The following STK32B variants were observed in gnomAD, a reference collection of about 807,000 sequenced individuals.
The protein encoded by STK32B is serine/threonine-protein kinase 32B.
STK32B carries 43 observed loss-of-function variants against 52.6 expected under a neutral mutation model. The observed-to-expected ratio is 0.82, with a 90% CI of 0.64 to 1.05. The LOEUF is 1.05. Ranked by LOEUF, STK32B falls within the 50% of genes least tolerant of loss-of-function variation. The pLI is 0.00. For missense variants in STK32B, 621 were observed against 534.6 expected (o/e 1.16, Z -1.59); for synonymous variants, 238 against 204.3 (o/e 1.17, Z -1.41).
intron 1 of STK32B, among the ~76,000 whole-genome samples, chr4:5,132,898 A>T (rs1401544604): frequency 2.6e-5 from 4 of 151,862 alleles, no homozygotes; most frequent in Non-Finnish European, 5.9e-5. Flanking sequence ...TTCTGGGTTC[A>T]GGTGATTCTT....
At position 5,488,327 on chromosome 4, in the gene STK32B, T is replaced by G. The variant is rs150992230; in HGVS notation, c.1107-10618T>G. Among the ~76,000 whole-genome samples, 609 of 152,276 alleles carry G rather than the reference T, an allele frequency of 4.0e-3. 7 individuals carry two copies. Among genetic ancestry groups the G allele is most frequent in the African/African-American group, 0.014 (595 of 41,570 alleles). ...AGAAAACAAAATCAATGTAAGATTTTATGGTGTAATGGTGAGCACTCTGGA... is the reference window on the plus strand; with the variant it reads ...AGAAAACAAAATCAATGTAAGATTTGATGGTGTAATGGTGAGCACTCTGGA... On this transcript the variant is annotated intron_variant, in intron 11 of 11. Transcript: ENST00000282908.
At chr4:5,450,571 G>C (rs1029433821) in intron 7 of STK32B, among the ~76,000 whole-genome samples, 7 of 152,178 alleles carry the variant, frequency 4.6e-5, no homozygotes, top group African/African-American at 1.7e-4. Flanking sequence ...ATAACCTTTA[G>C]AGGAATCTCA....
chr4:5,439,480 T>C (rs1714487655), intron 6 of STK32B, among the ~76,000 whole-genome samples: 1 of 151,828 alleles, frequency 6.6e-6, no homozygotes, highest in Non-Finnish European at 1.5e-5. Flanking sequence ...TTTGTTTGAG[T>C]TCATTGTAGA....
At chr4:5,315,967 A>G (rs1378996789) in intron 3 of STK32B, among the ~76,000 whole-genome samples, 2 of 150,158 alleles carry the variant, frequency 1.3e-5, no homozygotes, top group African/African-American at 2.4e-5. Flanking sequence ...GGCCTCCCAA[A>G]TTGCTGGGAG....
intron 11 of STK32B, among the ~76,000 whole-genome samples, chr4:5,483,251 G>T (rs1326073899): frequency 6.6e-6 from 1 of 151,510 alleles, no homozygotes; most frequent in Admixed American, 6.6e-5. Flanking sequence ...ATTGATTATT[G>T]CCTCAATTTC....
At chr4:5,297,048 G>A (rs1216057092) in intron 3 of STK32B, among the ~76,000 whole-genome samples, 1 of 152,104 alleles carries the variant, frequency 6.6e-6, no homozygotes, top group Non-Finnish European at 1.5e-5. Context: ...GCTTAGTTTG[G>A]CTGGATATGA....
At chr4:5,376,332 G>T (rs1236481223) in intron 4 of STK32B, among the ~76,000 whole-genome samples, 1 of 152,074 alleles carries the variant, frequency 6.6e-6, no homozygotes, top group African/African-American at 2.4e-5. Context: ...TTACTGTATG[G>T]CAGGTGCTCA....
intron 6 of STK32B, among the ~76,000 whole-genome samples, chr4:5,423,607 C>T (rs924652161): frequency 6.6e-6 from 1 of 152,180 alleles, no homozygotes; most frequent in Non-Finnish European, 1.5e-5. Flanking sequence ...ATCCAACATT[C>T]CCCTGCCTTA....
intron 9 of STK32B, among the ~76,000 whole-genome samples, chr4:5,462,164 T>G (rs1717076581): frequency 6.6e-6 from 1 of 151,694 alleles, no homozygotes; most frequent in African/African-American, 2.4e-5. Flanking sequence ...TGTGTCTGTG[T>G]GTCTGTACGT....
chr4:5,339,205 T>C (rs1489705099), intron 4 of STK32B, among the ~76,000 whole-genome samples: 3 of 152,224 alleles, frequency 2.0e-5, no homozygotes, highest in African/African-American at 7.2e-5. Context: ...CTTGCTGTCC[T>C]GGGTCTCCAG....
chr4:5,088,159 T>A (rs1221321204), intron 1 of STK32B, among the ~76,000 whole-genome samples: 3 of 152,072 alleles, frequency 2.0e-5, no homozygotes, highest in Non-Finnish European at 4.4e-5. Context: ...GATTCACCAA[T>A]ATGTGGAAAT....
At chr4:5,269,026 G>GC (rs1424750179) in intron 3 of STK32B, among the ~76,000 whole-genome samples, 3 of 152,096 alleles carry the variant, frequency 2.0e-5, no homozygotes, top group Admixed American at 2.0e-4. Context: ...CTGAGGAAGA[G>GC]CCCAGGGGTC....
chr4:5,375,647 G>T (rs570089956), intron 4 of STK32B, among the ~76,000 whole-genome samples: 1 of 152,264 alleles, frequency 6.6e-6, no homozygotes, highest in South Asian at 2.1e-4. Flanking sequence ...TCGAGTTATT[G>T]TGAAGTTTCC....
At chr4:5,421,811 G>T (rs933478719) in intron 6 of STK32B, among the ~76,000 whole-genome samples, 1 of 152,208 alleles carries the variant, frequency 6.6e-6, no homozygotes, top group Admixed American at 6.5e-5. Context: ...ATCCTCAGAA[G>T]ATTCACATGA....
chr4:5,245,124 C>G (rs551432090), intron 3 of STK32B, among the ~76,000 whole-genome samples: 6 of 152,192 alleles, frequency 3.9e-5, no homozygotes, highest in East Asian at 1.9e-4. Flanking sequence ...TCCTGGATAT[C>G]CTTGTTAACT....
At chr4:5,148,453 T>C (rs1315737848) in intron 2 of STK32B, among the ~76,000 whole-genome samples, 1 of 151,860 alleles carries the variant, frequency 6.6e-6, no homozygotes, top group African/African-American at 2.4e-5. Context: ...ATTTAGTTAA[T>C]AATATTTTAT....
At chr4:5,466,920 G>A (rs1180058780) in intron 10 of STK32B, 86 bp downstream of exon 10, 1 of 1,483,102 alleles carries the variant, frequency 6.7e-7, no homozygotes, top group African/African-American at 1.4e-5. Context: ...TAGCAAAAAG[G>A]GGACATTTCA....
intron 3 of STK32B, among the ~76,000 whole-genome samples, chr4:5,279,201 A>G (rs1021691394): frequency 2.6e-5 from 4 of 152,186 alleles, no homozygotes; most frequent in Non-Finnish European, 5.9e-5. Context: ...CCTTCCACCT[A>G]TAAGCCTGTG....
chr4:5,199,455 A>G (rs1169614369), intron 3 of STK32B, among the ~76,000 whole-genome samples: 4 of 150,486 alleles, frequency 2.7e-5, no homozygotes, highest in African/African-American at 9.7e-5. Flanking sequence ...TGTTGCCTTC[A>G]ATCTTGCTTA....
Sources: gnomAD v4.1 joint callset for allele counts (sites outside exome capture counted in the v4.1 genomes callset) on GRCh38, gnomAD v4.1.1 for gene constraint, MANE v1.5 for transcripts, NCBI Gene and HGNC (gene_info 2026-07-23, HGNC 2026-07-21) for gene names.